Variants in PATL2 observed in about 807,000 individuals in gnomAD.
PATL2 encodes protein PAT1 homolog 2.
In PATL2, 73 loss-of-function variants were observed where a neutral mutation model predicts 77.0. That is an observed-to-expected ratio of 0.95 (90% CI 0.78 to 1.15). The LOEUF (loss-of-function observed/expected upper bound fraction) is 1.15. PATL2 is among the 50% of genes most tolerant of loss of function. The pLI, the probability that PATL2 is intolerant of heterozygous loss-of-function variation, is 0.00. For synonymous variants in PATL2, 265 were observed against 257.1 expected, an observed-to-expected ratio of 1.03 and a Z score of -0.29; for missense variants, 618 against 655.4, an observed-to-expected ratio of 0.94 and a Z score of 0.62.
intron 3 of PATL2, among the ~76,000 whole-genome samples, chr15:44,688,285 A>T (rs143212970): frequency 0.01 from 1,549 of 151,362 alleles, 31 homozygotes; most frequent in African/African-American, 0.036. Context: ...TAATAATAAT[A>T]AAAAAAATGC....
At chr15:44,697,797 A>G (rs1229764388) in intron 3 of PATL2, among the ~76,000 whole-genome samples, 1 of 152,236 alleles carries the variant, frequency 6.6e-6, no homozygotes, top group Non-Finnish European at 1.5e-5. Context: ...AATCATGGGA[A>G]GTATCTTACC....
At chr15:44,704,445 CACT>C (rs1277260878) in intron 3 of PATL2, among the ~76,000 whole-genome samples, 1 of 151,978 alleles carries the variant, frequency 6.6e-6, no homozygotes, top group Non-Finnish European at 1.5e-5. Flanking sequence ...GAAAACTTAC[CACT>C]GATTACATAA....
Position 44,669,117 on chromosome 15 carries a change from G to A in PATL2, c.1087C>T (p.Gln363Ter), listed in dbSNP as rs1464635937. Reference protein sequence around the residue: ...NLEEAADGFLQVLSVRKGKAL... With the variant: ...NLEEAADGFL The stretch of plus-strand genomic sequence containing the variant: ...TTCCCCTTCCTCACAGAGAGCACCT[G>A]CAGGAAGCCATCTGCTGCCTCTCTG... Residue 363 changes from glutamine (Q) to a stop codon, truncating the protein, a stop_gained, in exon 14 of 18, where the codon CAG (glutamine) becomes TAG (stop). Coordinates refer to ENST00000682850, the MANE Select transcript of PATL2 (RefSeq NM_001387263.1). LOFTEE classifies it high-confidence loss of function. The A allele has an allele frequency of 1.3e-6, 2 of 1,544,146 alleles. No individual in the cohort carries two copies. Among genetic ancestry groups the A allele is most frequent in the African/African-American group, 2.7e-5 (2 of 72,890 alleles).
intron 3 of PATL2, among the ~76,000 whole-genome samples, chr15:44,707,941 C>T (rs1257503330): frequency 2.0e-5 from 3 of 152,224 alleles, no homozygotes; most frequent in East Asian, 3.8e-4. Context: ...CTAGCTAGGG[C>T]TGGTCTAAAT....
At chr15:44,704,387 T>C (rs2086691924) in intron 3 of PATL2, among the ~76,000 whole-genome samples, 1 of 152,144 alleles carries the variant, frequency 6.6e-6, no homozygotes, top group South Asian at 2.1e-4. Flanking sequence ...ATTATTTATT[T>C]TATTATTTTT....
chr15:44,675,798 G>C, intron 4 of PATL2, 107 bp from the exon 5 acceptor site: 1 of 968,504 alleles, frequency 1.0e-6, no homozygotes, highest in Non-Finnish European at 1.5e-6. Flanking sequence ...GCCATCTCCA[G>C]CACCACCTTT....
chr15:44,676,016 T>C (rs1031502647), intron 4 of PATL2: 2 of 347,176 alleles, frequency 5.8e-6, no homozygotes, highest in Non-Finnish European at 1.0e-5. Context: ...ACCCTGTCTC[T>C]AAGTAAAAAA....
In PATL2 at chr15:44,668,336, T is replaced by G; in HGVS notation, c.1365+6A>C. ...TCTATGGAAAAAAGCCTCCTAGACATGTTACCTGATTCTGAAGCACCACGG... is the reference window on the plus strand; with the variant it reads ...TCTATGGAAAAAAGCCTCCTAGACAGGTTACCTGATTCTGAAGCACCACGG... On this transcript the variant is annotated splice_donor_region_variant and intron_variant, in intron 15 of 17. Coordinates refer to ENST00000682850, the MANE Select transcript of PATL2 (RefSeq NM_001387263.1). The G allele has an allele frequency of 2.6e-6, 4 of 1,550,008 alleles. No individual in the cohort carries two copies. Among genetic ancestry groups the G allele is most frequent in the Non-Finnish European group, 3.5e-6 (4 of 1,146,702 alleles).
chr15:44,697,295 C>T (rs1442804007), intron 3 of PATL2: 1 of 152,138 alleles, frequency 6.6e-6, no homozygotes, highest in African/African-American at 2.4e-5. Flanking sequence ...CTTTCTTCTT[C>T]CTCCTTCTTT....
At chr15:44,695,460 C>A (rs1033809848) in intron 3 of PATL2, among the ~76,000 whole-genome samples, 1 of 152,114 alleles carries the variant, frequency 6.6e-6, no homozygotes, top group Non-Finnish European at 1.5e-5. Flanking sequence ...GGGGAAAGTT[C>A]ATTTGCATAA....
rs1185016917 is a variant in PATL2 at position 44,667,107 on chromosome 15, A to T, written c.1462T>A (p.Trp488Arg). The change falls in exon 16 of 18, where the codon TGG (tryptophan) becomes AGG (arginine). Residue 488 changes from tryptophan (W) to arginine (R), a missense_variant and splice_region_variant. Trp to Arg is a moderately radical substitution (Grantham distance 101). Coordinates refer to ENST00000682850, the MANE Select transcript of PATL2 (RefSeq NM_001387263.1). ...LEEPNSDHTA[W>R]TDMVVLIAWE... Reference sequence around the variant, plus strand: ...TTTACAAGGCCTTTATGATCTTACCAAGCTGTATGGTCACTGTTGGGTTCC... The same window carrying T: ...TTTACAAGGCCTTTATGATCTTACCTAGCTGTATGGTCACTGTTGGGTTCC... 1 of 1,550,030 alleles carries T rather than the reference A, an allele frequency of 6.5e-7. No individual in the cohort carries two copies. Among genetic ancestry groups the T allele is most frequent in the Non-Finnish European group, 8.7e-7 (1 of 1,145,668 alleles).
chr15:44,706,937 A>G (rs879488444), intron 3 of PATL2, among the ~76,000 whole-genome samples: 7 of 152,064 alleles, frequency 4.6e-5, no homozygotes, highest in Non-Finnish European at 5.9e-5. Flanking sequence ...ACTCTATTGC[A>G]CTGAGGCTGA....
At position 44,674,246 on chromosome 15, in the gene PATL2, G is replaced by A. The variant is rs1160353721; in HGVS notation, c.223-16C>T. The A allele has an allele frequency of 4.6e-6, 7 of 1,516,480 alleles. No homozygotes were observed. In the Admixed American group the frequency reaches 6.1e-5, roughly 13 times the overall value. 93.9% of individuals were successfully genotyped at this position (1,516,480 alleles called of 1,614,324 possible). ...GCAGAGCTCTCTGGAACAGGAGGGA[G>A]GAAAAACCAGGCTCAAATGGGCCCC... On this transcript the variant is annotated splice_polypyrimidine_tract_variant and intron_variant, in intron 5 of 17. Transcript: ENST00000682850.
chr15:44,707,658 GTC>G (rs746414169), intron 3 of PATL2, among the ~76,000 whole-genome samples: 2 of 152,174 alleles, frequency 1.3e-5, no homozygotes. Context: ...GAGGAAAGAA[GTC>G]TCTCTCTGAG....
intron 3 of PATL2, among the ~76,000 whole-genome samples, chr15:44,682,973 C>T (rs760153916): frequency 2.0e-5 from 3 of 152,160 alleles, no homozygotes; most frequent in Non-Finnish European, 4.4e-5. Context: ...ATTGCCTTAC[C>T]CGGGAAGTGC....
chr15:44,690,823 A>G (rs1325564015), intron 3 of PATL2, among the ~76,000 whole-genome samples: 1 of 152,132 alleles, frequency 6.6e-6, no homozygotes, highest in East Asian at 1.9e-4. Flanking sequence ...ATCAGTAACC[A>G]TGTCAAAATT....
At chr15:44,676,773 G>A in intron 3 of PATL2, 1 of 1,266,378 alleles carries the variant, frequency 7.9e-7, no homozygotes, top group Non-Finnish European at 1.0e-6. Context: ...GGACAGAAAT[G>A]AGGCACAGGC....
chr15:44,696,062 G>T (rs547521798), intron 3 of PATL2, among the ~76,000 whole-genome samples: 39 of 152,308 alleles, frequency 2.6e-4, no homozygotes, highest in African/African-American at 3.8e-4. Flanking sequence ...AAGGGAAAAA[G>T]AATATTTGGA....
At position 44,702,174 on chromosome 15, in the gene PATL2, T is replaced by C. The variant is rs540667966; in HGVS notation, c.-76+7922A>G. Among the ~76,000 whole-genome samples, 24 of 152,276 alleles carry C rather than the reference T, an allele frequency of 1.6e-4. No homozygotes were observed. In the South Asian group the frequency reaches 4.6e-3, roughly 29 times the overall value. ...TGGGCTTTCATTTGTTACTTGTTAT[T>C]GGTCTGTTCTGGTTTTGGATTTCTT... On this transcript the variant is annotated intron_variant, in intron 3 of 17. Transcript: ENST00000682850.
Sources: gnomAD v4.1 joint callset for allele counts (sites outside exome capture counted in the v4.1 genomes callset) on GRCh38, gnomAD v4.1.1 for gene constraint, MANE v1.5 for transcripts, NCBI Gene and HGNC (gene_info 2026-07-23, HGNC 2026-07-21) for gene names.